LRBA: variants seen among roughly 807,000 people sequenced by gnomAD.
LRBA encodes lipopolysaccharide-responsive and beige-like anchor protein.
A neutral mutation model predicts 330.0 loss-of-function variants in LRBA; 176 were observed. The observed-to-expected ratio is 0.53, with a 90% CI of 0.47 to 0.60. The LOEUF is 0.60. Among genes scored for constraint, LRBA ranks in the 20% least tolerant of loss-of-function variants. LRBA has a pLI of 0.00. For missense variants in LRBA, 3,259 were observed against 3,444.8 expected (o/e 0.95, Z 1.35); for synonymous variants, 1,230 against 1,193.0 (o/e 1.03, Z -0.64).
At chr4:150,893,394 A>G (rs914625716) in intron 16 of LRBA, among the ~76,000 whole-genome samples, 4 of 152,186 alleles carry the variant, frequency 2.6e-5, no homozygotes, top group Non-Finnish European at 4.4e-5. Context: ...TCTCTCACTC[A>G]GGCTGGAGCA....
At chr4:150,906,063 G>C in intron 12 of LRBA, 73 bp from the exon 13 acceptor site, 1 of 1,325,362 alleles carries the variant, frequency 7.5e-7, no homozygotes, top group Non-Finnish European at 1.1e-6. Flanking sequence ...GTCCCTACCA[G>C]GAAAAAAACT....
intron 40 of LRBA, among the ~76,000 whole-genome samples, chr4:150,585,780 T>C (rs1346984629): frequency 2.6e-5 from 4 of 152,162 alleles, no homozygotes; most frequent in Non-Finnish European, 5.9e-5. Context: ...GAAAAATGTT[T>C]TTAAAGGCAA....
intron 37 of LRBA, among the ~76,000 whole-genome samples, chr4:150,653,879 C>T (rs1779933944): frequency 6.6e-6 from 1 of 152,002 alleles, no homozygotes; most frequent in African/African-American, 2.4e-5. Flanking sequence ...TTCATAAATA[C>T]ATTGAAAGAC....
At chr4:150,564,044 T>A (rs973655281) in intron 40 of LRBA, among the ~76,000 whole-genome samples, 4 of 152,178 alleles carry the variant, frequency 2.6e-5, no homozygotes, top group Non-Finnish European at 4.4e-5. Context: ...ACTTTAAAGT[T>A]CATATGGAAC....
chr4:150,815,572 T>A (rs762770899), intron 31 of LRBA, among the ~76,000 whole-genome samples: 3 of 151,790 alleles, frequency 2.0e-5, no homozygotes, highest in Non-Finnish European at 4.4e-5. Context: ...TTGGAAAAAA[T>A]TATAAAATAA....
At chr4:150,702,885 C>G (rs1388861445) in intron 36 of LRBA, among the ~76,000 whole-genome samples, 2 of 152,182 alleles carry the variant, frequency 1.3e-5, no homozygotes, top group African/African-American at 4.8e-5. Flanking sequence ...TCCGGCCGGG[C>G]ATGGTGGCTC....
chr4:150,372,493 A>T (rs1740494881), intron 47 of LRBA, among the ~76,000 whole-genome samples: 1 of 143,438 alleles, frequency 7.0e-6, no homozygotes. Flanking sequence ...TCCAGCTAGT[A>T]GGGAGGCTGT....
chr4:150,687,795 G>A (rs1783757903), intron 36 of LRBA, among the ~76,000 whole-genome samples: 1 of 151,818 alleles, frequency 6.6e-6, no homozygotes, highest in Non-Finnish European at 1.5e-5. Flanking sequence ...TTGCATGAAA[G>A]TAAGAGAGGA....
At chr4:150,984,777 G>A (rs1215547795) in intron 2 of LRBA, among the ~76,000 whole-genome samples, 4 of 151,948 alleles carry the variant, frequency 2.6e-5, no homozygotes, top group African/African-American at 9.7e-5. Flanking sequence ...TTATTATAAC[G>A]TATTCACACC....
intron 27 of LRBA, 38 bp from the exon 28 acceptor site, chr4:150,844,245 T>G: frequency 1.1e-6 from 1 of 942,248 alleles, no homozygotes; most frequent in Non-Finnish European, 1.6e-6. Context: ...ATATATATAT[T>G]CATATATACA....
intron 9 of LRBA, among the ~76,000 whole-genome samples, chr4:150,911,368 T>C (rs1406947662): frequency 6.6e-6 from 1 of 152,122 alleles, no homozygotes; most frequent in African/African-American, 2.4e-5. Context: ...CTTCTATTCA[T>C]AGATTGTTGA....
At chr4:150,965,723 T>A (rs552785792) in intron 2 of LRBA, among the ~76,000 whole-genome samples, 177 of 151,536 alleles carry the variant, frequency 1.2e-3, no homozygotes, top group Non-Finnish European at 1.8e-3. Context: ...TTTTTTTTTT[T>A]AATACAGATG....
In LRBA at chr4:150,302,650, G is replaced by A. The variant is rs1729822862; in HGVS notation, c.7992C>T (p.Cys2664=). 7 of 1,610,972 alleles carry A rather than the reference G, an allele frequency of 4.3e-6. No homozygotes were observed. The highest frequency in any genetic ancestry group is 5.9e-6 in the Non-Finnish European group (7 of 1,178,316). ...TGCCTGGGTTATCTCCAATCCCACT[G>A]CATTTTCCATTCCAATACCACAGCA... is the stretch of plus-strand genomic sequence containing the variant. The part of the protein sequence containing the change: ...TLLLWYWNGK[C]SGIGDNPGSE... The change falls in exon 53 of 57, where the codon TGC becomes TGT. Residue 2664 remains cysteine (C), a synonymous_variant. Transcript: ENST00000651943.
In LRBA at chr4:150,962,201, A is replaced by T. The variant is rs187183393; in HGVS notation, c.217-33136T>A. ...TCAAATGGACATTTGTAGAAAAAAT[A>T]AATTGGCCCATATTTCAAATCAGGA... On this transcript the variant is annotated intron_variant, in intron 2 of 56. Transcript: ENST00000651943. Among the ~76,000 whole-genome samples the T allele has an allele frequency of 4.6e-4, 69 of 149,658 alleles. 3 individuals carry two copies. Among genetic ancestry groups the T allele is most frequent in the Admixed American group, 3.3e-3 (50 of 15,226 alleles).
intron 40 of LRBA, among the ~76,000 whole-genome samples, chr4:150,538,688 G>A (rs909674350): frequency 6.6e-6 from 1 of 151,788 alleles, no homozygotes; most frequent in Non-Finnish European, 1.5e-5. Context: ...TACTGGCCAG[G>A]CGCACACCTG....
chr4:150,312,556 G>C (rs890074523), intron 51 of LRBA, among the ~76,000 whole-genome samples: 6 of 151,758 alleles, frequency 4.0e-5, no homozygotes, highest in African/African-American at 1.5e-4. Flanking sequence ...CCAATAAAGG[G>C]ACAATTCAAA....
In LRBA at chr4:150,828,922, G is replaced by GTGTGTGTGTGTGT. The variant is rs1560878315; in HGVS notation, c.4730-302_4730-301insACACACACACACA. Among the ~76,000 whole-genome samples the GTGTGTGTGTGTGT allele has an allele frequency of 1.6e-3, 175 of 106,228 alleles. 3 individuals carry two copies. Among genetic ancestry groups the GTGTGTGTGTGTGT allele is most frequent in the Non-Finnish European group, 2.1e-3 (114 of 53,052 alleles). The allele number at this position is 106,228 out of a possible 152,430, so 69.7% of individuals were successfully genotyped here. A position where few individuals can be genotyped will look rare whatever the true frequency, so the allele number is the denominator to read the frequency against. ...GAAAAAGTCTATAATCTTTTTTGGGGGTGTGTGTGTGTGTGTGTGTGTGTG... is the reference window on the plus strand; with the variant it reads ...GAAAAAGTCTATAATCTTTTTTGGGGTGTGTGTGTGTGTGTGTGTGTGTGTGTGTGTGTGTGTG... On this transcript the variant is annotated intron_variant, in intron 29 of 56. Coordinates refer to ENST00000651943, the MANE Select transcript of LRBA (RefSeq NM_001364905.1).
intron 40 of LRBA, among the ~76,000 whole-genome samples, chr4:150,535,778 T>C (rs1210748180): frequency 1.3e-5 from 2 of 152,204 alleles, no homozygotes; most frequent in African/African-American, 2.4e-5. Context: ...TATTTTGTAC[T>C]ATAAAATACT....
intron 40 of LRBA, among the ~76,000 whole-genome samples, chr4:150,546,339 T>C (rs1765858408): frequency 6.6e-6 from 1 of 152,210 alleles, no homozygotes; most frequent in Non-Finnish European, 1.5e-5. Flanking sequence ...CAGTTTTCCT[T>C]TTGCAACAAT....
Sources: gnomAD v4.1 joint callset for allele counts (sites outside exome capture counted in the v4.1 genomes callset) on GRCh38, gnomAD v4.1.1 for gene constraint, MANE v1.5 for transcripts, NCBI Gene and HGNC (gene_info 2026-07-23, HGNC 2026-07-21) for gene names.